MAP2K5: variants seen among roughly 807,000 people sequenced by gnomAD.
MAP2K5 encodes mitogen-activated protein kinase kinase 5, also known as dual specificity mitogen-activated protein kinase kinase 5.
MAP2K5 carries 49 observed loss-of-function variants against 83.1 expected under a neutral mutation model. The observed-to-expected ratio is 0.59, with a 90% CI of 0.47 to 0.75. The LOEUF is 0.75. Ranked by LOEUF, MAP2K5 falls within the 30% of genes least tolerant of loss-of-function variation. The pLI, the probability that MAP2K5 is intolerant of heterozygous loss-of-function variation, is 0.00. For synonymous variants in MAP2K5, 202 were observed against 191.8 expected (o/e 1.05, Z -0.44); for missense variants, 457 against 557.5 (o/e 0.82, Z 1.82).
chr15:67,595,957 A>G (rs749188546), intron 7 of MAP2K5, among the ~76,000 whole-genome samples: 19 of 147,736 alleles, frequency 1.3e-4, no homozygotes, highest in Non-Finnish European at 4.5e-5. Flanking sequence ...TGGCCTTTGC[A>G]TCTCTAAAGT....
In MAP2K5 at chr15:67,552,074, G is replaced by C. The variant is rs1325519208; in HGVS notation, c.184+1992G>C. On this transcript the variant is annotated intron_variant, in intron 2 of 21. Coordinates refer to ENST00000178640, the MANE Select transcript of MAP2K5 (RefSeq NM_145160.3). This position sits in a 1 kb window ranked among gnomAD's most constrained non-coding sequence, Gnocchi z 4.2. Reference sequence around the variant, plus strand: ...GACTTGGGGCCTGAGGCTTGGGTTGGTGGGGGCGGGAGGGGGTGGATGAAT... The same window carrying C: ...GACTTGGGGCCTGAGGCTTGGGTTGCTGGGGGCGGGAGGGGGTGGATGAAT... 6.6e-6 allele frequency among the ~76,000 whole-genome samples: 1 copy of C among 151,386 alleles called. No homozygotes were observed. The highest frequency in any genetic ancestry group is 6.6e-5 in the Admixed American group (1 of 15,196).
chr15:67,693,437 T>C, intron 14 of MAP2K5, 81 bp from the exon 15 acceptor site: 1 of 1,064,202 alleles, frequency 9.4e-7, no homozygotes, highest in Non-Finnish European at 1.4e-6. Flanking sequence ...GAATGATGAT[T>C]GTAGGTTAAA....
intron 1 of MAP2K5, chr15:67,546,458 G>A (rs2084390750): frequency 3.5e-6 from 1 of 286,246 alleles, no homozygotes; most frequent in South Asian, 1.3e-4. Context: ...CAGCAGTTGA[G>A]GGCTCCAGTC....
chr15:67,675,417 A>ATT (rs2087653014), intron 13 of MAP2K5, among the ~76,000 whole-genome samples: 1 of 152,218 alleles, frequency 6.6e-6, no homozygotes, highest in Admixed American at 6.5e-5. Flanking sequence ...GAGAGAGCAC[A>ATT]TTAGTGGTTA....
At position 67,618,483 on chromosome 15, in the gene MAP2K5, A is replaced by G. The variant is rs533863932; in HGVS notation, c.546-12405A>G. 2.6e-5 allele frequency among the ~76,000 whole-genome samples: 4 copies of G among 152,246 alleles called. No individual in the cohort carries two copies. In the South Asian group the frequency reaches 8.3e-4, roughly 32 times the overall value. ...TCATCTGTATGCTGAGGAAGTCCAG[A>G]TGTATGTCTGTAGCCCTGGCCTGTG... is the stretch of plus-strand genomic sequence containing the variant. On this transcript the variant is annotated intron_variant, in intron 8 of 21. Coordinates refer to ENST00000178640, the MANE Select transcript of MAP2K5 (RefSeq NM_145160.3).
chr15:67,553,919 CAAA>C (rs71142378), intron 2 of MAP2K5, among the ~76,000 whole-genome samples: 2,278 of 79,890 alleles, frequency 0.029, 19 homozygotes, highest in African/African-American at 0.1. Flanking sequence ...GACTCCATCT[CAAA>C]AAAAAAAAAA....
intron 11 of MAP2K5, among the ~76,000 whole-genome samples, chr15:67,653,640 T>C (rs1162996207): frequency 6.6e-6 from 1 of 152,132 alleles, no homozygotes; most frequent in Non-Finnish European, 1.5e-5. Context: ...TTTGGTTTCT[T>C]TGATTTTCTC....
intron 16 of MAP2K5, among the ~76,000 whole-genome samples, chr15:67,723,408 G>A (rs1417691474): frequency 6.6e-6 from 1 of 152,130 alleles, no homozygotes; most frequent in African/African-American, 2.4e-5. Context: ...ACTAAGGAAC[G>A]TCCTGTTTTT....
chr15:67,733,916 A>G (rs747481306), intron 17 of MAP2K5, among the ~76,000 whole-genome samples: 1 of 152,212 alleles, frequency 6.6e-6, no homozygotes, highest in Non-Finnish European at 1.5e-5. Flanking sequence ...TTCAACCCCT[A>G]TATACTACAT....
chr15:67,703,249 C>G, intron 15 of MAP2K5, 88 bp from the exon 16 acceptor site: 1 of 898,188 alleles, frequency 1.1e-6, no homozygotes, highest in Non-Finnish European at 1.8e-6. Flanking sequence ...ATGTTGGTGG[C>G]TCCTCACCTT....
intron 8 of MAP2K5, among the ~76,000 whole-genome samples, chr15:67,608,283 C>T (rs1226506585): frequency 1.3e-5 from 2 of 152,074 alleles, no homozygotes; most frequent in Non-Finnish European, 2.9e-5. Context: ...GACATATGGA[C>T]AGTTCAGAGA....
chr15:67,782,301 C>T lies in MAP2K5; in HGVS notation c.1242+9549C>T, dbSNP rs1436386583. Among the ~76,000 whole-genome samples, 2 of 152,182 alleles carry T rather than the reference C, an allele frequency of 1.3e-5. No homozygotes were observed. The highest frequency in any genetic ancestry group is 1.9e-4 in the East Asian group (1 of 5,204). Reference sequence around the variant, plus strand: ...ATTAGTAATCGGGAGATTAGGGCCCCAGGGACAATGAGAGATAAACAACTG... The same window carrying T: ...ATTAGTAATCGGGAGATTAGGGCCCTAGGGACAATGAGAGATAAACAACTG... On this transcript the variant is annotated intron_variant, in intron 21 of 21. Coordinates refer to ENST00000178640, the MANE Select transcript of MAP2K5 (RefSeq NM_145160.3). The surrounding 1 kb of genome is among the most constrained non-coding windows in gnomAD (Gnocchi z 4.9).
intron 13 of MAP2K5, among the ~76,000 whole-genome samples, chr15:67,686,565 T>C (rs1567360486): frequency 6.6e-6 from 1 of 151,508 alleles, no homozygotes; most frequent in Non-Finnish European, 1.5e-5. Context: ...ATCACATCAC[T>C]GCACTCCAGC....
chr15:67,718,638 C>T (rs558432012), intron 16 of MAP2K5, among the ~76,000 whole-genome samples: 8 of 152,158 alleles, frequency 5.3e-5, no homozygotes, highest in Admixed American at 2.6e-4. Context: ...GTGGTATGCA[C>T]CTGTAATCCA....
chr15:67,578,702 A>G (rs1239490118), intron 3 of MAP2K5, among the ~76,000 whole-genome samples: 3 of 152,142 alleles, frequency 2.0e-5, no homozygotes, highest in Non-Finnish European at 2.9e-5. Flanking sequence ...AAAAGTGTAT[A>G]TAGTTTGCCA....
intron 8 of MAP2K5, among the ~76,000 whole-genome samples, chr15:67,603,052 A>C (rs560316972): frequency 6.6e-6 from 1 of 152,284 alleles, no homozygotes; most frequent in South Asian, 2.1e-4. Context: ...TGTTGTTTTT[A>C]AAATTGTTAT....
At chr15:67,632,133 T>C (rs1356806601) in intron 9 of MAP2K5, among the ~76,000 whole-genome samples, 2 of 148,774 alleles carry the variant, frequency 1.3e-5, no homozygotes, top group Non-Finnish European at 3.0e-5. Flanking sequence ...AGGGTCTTGC[T>C]CTGTCATCCA....
At chr15:67,667,020 C>G (rs900525005) in intron 13 of MAP2K5, among the ~76,000 whole-genome samples, 1 of 152,172 alleles carries the variant, frequency 6.6e-6, no homozygotes. Context: ...TTCATGGAAA[C>G]TTTTACCTTC....
chr15:67,586,756 G>A (rs558262868), intron 5 of MAP2K5, 90 bp from the exon 6 acceptor site: 369 of 1,199,348 alleles, frequency 3.1e-4, no homozygotes, highest in Non-Finnish European at 4.3e-4. Flanking sequence ...AACCTTCATA[G>A]TGAAATGAGA....
Sources: allele counts gnomAD v4.1 joint callset (sites outside exome capture counted in the v4.1 genomes callset), GRCh38; gene constraint gnomAD v4.1.1; non-coding constraint Gnocchi (gnomAD v3.1); transcripts MANE v1.5; gene names NCBI Gene and HGNC (gene_info 2026-07-23, HGNC 2026-07-21).